The following MRPL42 variants were observed in gnomAD, a reference collection of about 807,000 sequenced individuals.
MRPL42 encodes large ribosomal subunit protein mL42.
A neutral mutation model predicts 17.9 loss-of-function variants in MRPL42; 17 were observed. That is an observed-to-expected ratio of 0.95 (90% CI 0.65 to 1.42). The LOEUF is 1.42. MRPL42 is among the 40% of genes most tolerant of loss of function. The probability of loss-of-function intolerance (pLI) is 0.00; values close to 1 mark genes in which losing one functional copy is unlikely to be tolerated. For synonymous variants in MRPL42, 59 were observed against 54.4 expected (o/e 1.08, Z -0.37); for missense variants, 177 against 175.2 (o/e 1.01, Z -0.06).
In MRPL42 at chr12:93,500,306, C is replaced by T. The variant is rs185758972; in HGVS notation, c.384-870C>T. On this transcript the variant is annotated intron_variant, in intron 5 of 5. Transcript: ENST00000549982. ...CAAAAATTATGAATATTTCTTGATACATCTTATCATACTGCTTTTCAAAAG... is the reference window on the plus strand; with the variant it reads ...CAAAAATTATGAATATTTCTTGATATATCTTATCATACTGCTTTTCAAAAG... Among the ~76,000 whole-genome samples, 175 of 152,246 alleles carry T rather than the reference C, an allele frequency of 1.1e-3. 1 individual carries two copies. Among genetic ancestry groups the T allele is most frequent in the African/African-American group, 4.0e-3 (167 of 41,542 alleles).
chr12:93,477,014 A>G lies in MRPL42; in HGVS notation c.131A>G (p.Asn44Ser), dbSNP rs1482876636. 1.9e-6 allele frequency: 3 copies of G among 1,568,910 alleles called. No homozygotes were observed. The highest frequency in any genetic ancestry group is 2.6e-6 in the Non-Finnish European group (3 of 1,143,606). ...TATTCTCCTCTACCAGATGACTATAATTGGTATGTATTAAAATTCAATTGA... is the reference window on the plus strand; with the variant it reads ...TATTCTCCTCTACCAGATGACTATAGTTGGTATGTATTAAAATTCAATTGA... ...STYSPLPDDY[N>S]CNVELALTSD... Residue 44 changes from asparagine to serine, a missense_variant, in exon 3 of 6, where the codon AAT (asparagine) becomes AGT (serine). Coordinates refer to ENST00000549982, the MANE Select transcript of MRPL42 (RefSeq NM_014050.4).
At chr12:93,498,180 G>T (rs1390479165) in intron 5 of MRPL42, among the ~76,000 whole-genome samples, 97 of 2,214 alleles carry the variant, frequency 0.044, no homozygotes, top group Admixed American at 0.081. Context: ...TTTTTATCTT[G>T]TTTTGTGTAC....
In MRPL42 at chr12:93,504,171, G is replaced by T; in HGVS notation, c.*2950G>T. 6.5e-6 allele frequency: 1 copy of T among 154,100 alleles called. No individual in the cohort carries two copies. Among genetic ancestry groups the T allele is most frequent in the Middle Eastern group, 5.2e-4 (1 of 1,922 alleles). 9.5% of individuals were successfully genotyped at this position (154,100 alleles called of 1,614,324 possible). ...TACTTTTTGGGTTTTGGAGATGGAG[G>T]TTTGCTCTGCCCAAGCTGGAATGCA... is the stretch of plus-strand genomic sequence containing the variant. On this transcript the variant is annotated 3_prime_UTR_variant, in exon 6 of 6. Coordinates refer to ENST00000549982, the MANE Select transcript of MRPL42 (RefSeq NM_014050.4).
rs932982327 is a variant in MRPL42, at chr12:93,506,484, C to G, written c.*5263C>G. ...TTCTCCATGTTGGTCAGGCTGGTCT[C>G]AAACTCCTGACCTCAGGTGATCCAC... On this transcript the variant is annotated 3_prime_UTR_variant, in exon 6 of 6. Transcript: ENST00000549982. The G allele has an allele frequency of 6.6e-6, 1 of 151,450 alleles. No individual in the cohort carries two copies. Among genetic ancestry groups the G allele is most frequent in the Non-Finnish European group, 1.5e-5 (1 of 67,908 alleles). The allele number at this position is 151,450 out of a possible 1,614,324, so 9.4% of individuals were successfully genotyped here.
Position 93,503,976 on chromosome 12 carries a change from T to C in MRPL42, c.*2755T>C, listed in dbSNP as rs1953633834. The stretch of plus-strand genomic sequence containing the variant: ...TGGTGGATTATTACCATTTTCTTTT[T>C]TTATTTTTTTTTTAAATTTATTTCT... On this transcript the variant is annotated 3_prime_UTR_variant, in exon 6 of 6. Coordinates refer to ENST00000549982, the MANE Select transcript of MRPL42 (RefSeq NM_014050.4). The C allele has an allele frequency of 6.8e-6, 1 of 146,296 alleles. No homozygotes were observed. Among genetic ancestry groups the C allele is most frequent in the South Asian group, 2.2e-4 (1 of 4,650 alleles). The allele number at this position is 146,296 out of a possible 1,614,324, so 9.1% of individuals were successfully genotyped here.
chr12:93,489,816 G>A (rs543456552), intron 5 of MRPL42, among the ~76,000 whole-genome samples: 80 of 152,324 alleles, frequency 5.3e-4, no homozygotes, highest in African/African-American at 1.8e-3. Flanking sequence ...GATTACAGGC[G>A]TGAGCCACTG....
chr12:93,491,437 AT>A (rs1199396517), intron 5 of MRPL42, among the ~76,000 whole-genome samples: 1 of 152,120 alleles, frequency 6.6e-6, no homozygotes, highest in East Asian at 1.9e-4. Context: ...TATTTTGCCT[AT>A]TTTTTAAAAA....
chr12:93,479,493 T>TG lies in MRPL42; in HGVS notation c.219+22dup, dbSNP rs1236790360. 3 of 1,552,144 alleles carry TG rather than the reference T, an allele frequency of 1.9e-6. No individual in the cohort carries two copies. The African/African-American group carries it at 4.1e-5, about 21-fold the overall frequency. Reference sequence around the variant, plus strand: ...CAAAAGTATGTATGAGAAAATTTCTTGCAGTTTTTAATTTGCTGTTAGAAA... The same window carrying TG: ...CAAAAGTATGTATGAGAAAATTTCTTGGCAGTTTTTAATTTGCTGTTAGAAA... On this transcript the variant is annotated intron_variant, in intron 4 of 5. Transcript: ENST00000549982.
intron 5 of MRPL42, among the ~76,000 whole-genome samples, chr12:93,494,992 A>G (rs556220182): frequency 6.6e-6 from 1 of 152,314 alleles, no homozygotes; most frequent in Non-Finnish European, 1.5e-5. Flanking sequence ...GCACTGGGAA[A>G]ATGGGGTGGA....
At position 93,487,549 on chromosome 12, in the gene MRPL42, T is replaced by A. The variant is rs1192265268; in HGVS notation, c.272T>A (p.Val91Glu). 1.2e-6 allele frequency: 2 copies of A among 1,613,914 alleles called. No homozygotes were observed. Among genetic ancestry groups the A allele is most frequent in the South Asian group, 2.2e-5 (2 of 91,072 alleles). The stretch of plus-strand genomic sequence containing the variant: ...AATAATGAAGAAACACATGATCAAG[T>A]GCTGAAAACCAGATTGGAAGAAAAA... Reference protein sequence around the residue: ...VHNNEETHDQVLKTRLEEKVE... With the variant: ...VHNNEETHDQELKTRLEEKVE... Residue 91 changes from valine to glutamate, a missense_variant, in exon 5 of 6, where the codon GTG (valine) becomes GAG (glutamate). By Grantham distance (121) the Val-to-Glu change is moderately radical. Coordinates refer to ENST00000549982, the MANE Select transcript of MRPL42 (RefSeq NM_014050.4).
chr12:93,496,294 A>G (rs952453800), intron 5 of MRPL42, among the ~76,000 whole-genome samples: 3 of 152,018 alleles, frequency 2.0e-5, no homozygotes, highest in African/African-American at 7.3e-5. Flanking sequence ...CCTGACCTCA[A>G]GCGATCCACC....
rs1192907319 is a variant in MRPL42, at chr12:93,515,926, A to C, written c.*14705A>C. ...TCATGGTGCCATCCAGAAAATACCAAAAATCACCCTCTCTCAGCTAAAATG... is the reference window on the plus strand; with the variant it reads ...TCATGGTGCCATCCAGAAAATACCACAAATCACCCTCTCTCAGCTAAAATG... On this transcript the variant is annotated 3_prime_UTR_variant, in exon 6 of 6. Transcript: ENST00000549982. 6.6e-6 allele frequency: 1 copy of C among 152,236 alleles called. No individual in the cohort carries two copies. The highest frequency in any genetic ancestry group is 2.4e-5 in the African/African-American group (1 of 41,456). 9.4% of individuals were successfully genotyped at this position (152,236 alleles called of 1,614,324 possible). A position where few individuals can be genotyped will look rare whatever the true frequency, so the allele number is the denominator to read the frequency against.
chr12:93,470,658 C>CT lies in MRPL42; in HGVS notation c.70+1306dup, dbSNP rs1879867588. ...AGTCCCCAGTGTTTATTGTTCCCAT[C>CT]TTTGTGTCCATATGTACCCAATGTT... On this transcript the variant is annotated intron_variant, in intron 2 of 5. Transcript: ENST00000549982. The CT allele has an allele frequency of 8.6e-6, 7 of 813,356 alleles. No homozygotes were observed. In the Admixed American group the frequency reaches 2.5e-4, roughly 30 times the overall value. The allele number at this position is 813,356 out of a possible 1,614,324, so 50.4% of individuals were successfully genotyped here.
chr12:93,470,690 C>G (rs1410453801), intron 2 of MRPL42: 27 of 492,316 alleles, frequency 5.5e-5, no homozygotes, highest in South Asian at 8.9e-5. Context: ...TGTTTACCTC[C>G]TACTTGTAAG....
chr12:93,487,863 C>T (rs1953335082), intron 5 of MRPL42: 2 of 448,902 alleles, frequency 4.5e-6, no homozygotes, highest in Non-Finnish European at 7.8e-6. Context: ...GTGCCACAAT[C>T]TCAGCTCACT....
intron 4 of MRPL42, among the ~76,000 whole-genome samples, chr12:93,485,856 G>T (rs1274102471): frequency 6.6e-6 from 1 of 152,122 alleles, no homozygotes; most frequent in Non-Finnish European, 1.5e-5. Context: ...TGCTCAGGCA[G>T]GAGGGTACTG....
Position 93,469,189 on chromosome 12 carries a change from CAGG to C in MRPL42, c.-94_-92del, listed in dbSNP as rs1565807092. The stretch of plus-strand genomic sequence containing the variant: ...CACTGATTTTTCTTTATCTCTTCAG[CAGG>C]AGTAGAAATTGGTATGCTTAGAAGC... On this transcript the variant is annotated splice_acceptor_variant and 5_prime_UTR_variant, in exon 2 of 6. Coordinates refer to ENST00000549982, the MANE Select transcript of MRPL42 (RefSeq NM_014050.4). LOFTEE classifies it low-confidence loss of function (5UTR_SPLICE). 2 of 877,902 alleles carry C rather than the reference CAGG, an allele frequency of 2.3e-6. No homozygotes were observed. The highest frequency in any genetic ancestry group is 3.6e-6 in the Non-Finnish European group (2 of 558,726). 54.4% of individuals were successfully genotyped at this position (877,902 alleles called of 1,614,324 possible).
In MRPL42 at chr12:93,505,457, C is replaced by A. The variant is rs1238262324; in HGVS notation, c.*4236C>A. 6.6e-6 allele frequency: 1 copy of A among 150,640 alleles called. No homozygotes were observed. The highest frequency in any genetic ancestry group is 1.5e-5 in the Non-Finnish European group (1 of 67,780). The allele number at this position is 150,640 out of a possible 1,614,324, so 9.3% of individuals were successfully genotyped here. A position where few individuals can be genotyped will look rare whatever the true frequency, so the allele number is the denominator to read the frequency against. On this transcript the variant is annotated 3_prime_UTR_variant, in exon 6 of 6. Transcript: ENST00000549982. ...TGCTAAAGGCATAAATAAATGTCTCCTTTGCTTTTAGGCAAAGGGAATGCT... is the reference window on the plus strand; with the variant it reads ...TGCTAAAGGCATAAATAAATGTCTCATTTGCTTTTAGGCAAAGGGAATGCT...
At position 93,506,826 on chromosome 12, in the gene MRPL42, A is replaced by T. The variant is rs1953675950; in HGVS notation, c.*5605A>T. 6.6e-6 allele frequency: 1 copy of T among 152,212 alleles called. No homozygotes were observed. Among genetic ancestry groups the T allele is most frequent in the African/African-American group, 2.4e-5 (1 of 41,454 alleles). The allele number at this position is 152,212 out of a possible 1,614,324, so 9.4% of individuals were successfully genotyped here. A position where few individuals can be genotyped will look rare whatever the true frequency, so the allele number is the denominator to read the frequency against. On this transcript the variant is annotated 3_prime_UTR_variant, in exon 6 of 6. Coordinates refer to ENST00000549982, the MANE Select transcript of MRPL42 (RefSeq NM_014050.4). ...TGATGAGTAATATATGTAGTCAGTA[A>T]CATGGTTAAGTGTGGCAATTTGGAT...
Sources: allele counts gnomAD v4.1 joint callset (sites outside exome capture counted in the v4.1 genomes callset), GRCh38; gene constraint gnomAD v4.1.1; transcripts MANE v1.5; gene names NCBI Gene and HGNC (gene_info 2026-07-23, HGNC 2026-07-21).